Variants in METTL15 observed in about 807,000 individuals in gnomAD.
METTL15 encodes the protein methyltransferase 15, mitochondrial 12S rRNA N4-cytidine, also known as 12S rRNA N(4)-cytidine methyltransferase METTL15.
Under a neutral mutation model 38.3 loss-of-function variants are expected in METTL15, and 34 were observed. That is an observed-to-expected ratio of 0.89 (90% CI 0.68 to 1.18). The LOEUF is 1.18. Ranked by LOEUF, METTL15 falls within the 50% of genes most tolerant of loss-of-function variation. The pLI, the probability that METTL15 is intolerant of heterozygous loss-of-function variation, is 0.00. For missense variants in METTL15, 438 were observed against 498.4 expected (o/e 0.88, Z 1.15); for synonymous variants, 162 against 170.9 (o/e 0.95, Z 0.41).
At chr11:28,275,370 A>C (rs951763872) in intron 4 of METTL15, among the ~76,000 whole-genome samples, 14 of 151,920 alleles carry the variant, frequency 9.2e-5, no homozygotes, top group African/African-American at 3.1e-4. Context: ...GAAATGGATA[A>C]ATTCTGAGAA....
At chr11:28,405,891 T>G (rs2133407949) in intron 5 of METTL15, among the ~76,000 whole-genome samples, 1 of 152,214 alleles carries the variant, frequency 6.6e-6, no homozygotes, top group South Asian at 2.1e-4. Context: ...TTTTGTCAGG[T>G]TTGTTGAAGA....
chr11:28,276,333 A>G (rs778267040), intron 4 of METTL15, among the ~76,000 whole-genome samples: 2 of 152,128 alleles, frequency 1.3e-5, no homozygotes, highest in Non-Finnish European at 2.9e-5. Context: ...CAAGAAGGCA[A>G]TTCCACTTAC....
chr11:28,207,822 C>T (rs1224190159), intron 3 of METTL15, among the ~76,000 whole-genome samples: 1 of 152,120 alleles, frequency 6.6e-6, no homozygotes, highest in Admixed American at 6.5e-5. Flanking sequence ...TCAACTTCTT[C>T]CTGGTTTAGT....
At position 28,201,536 on chromosome 11, in the gene METTL15, T is replaced by G. The variant is rs898203725; in HGVS notation, c.271-9526T>G. Reference sequence around the variant, plus strand: ...TGGGCTTCTTTTGGTTGGTAGGCTATTAATTACTGCCTCAATTTCAGAGGC... The same window carrying G: ...TGGGCTTCTTTTGGTTGGTAGGCTAGTAATTACTGCCTCAATTTCAGAGGC... On this transcript the variant is annotated intron_variant, in intron 3 of 6. Transcript: ENST00000407364. Among the ~76,000 whole-genome samples the G allele has an allele frequency of 2.0e-5, 3 of 151,352 alleles. No individual in the cohort carries two copies. The South Asian group carries it at 6.3e-4, about 32-fold the overall frequency.
intron 5 of METTL15, among the ~76,000 whole-genome samples, chr11:28,377,688 T>A (rs1850332992): frequency 6.6e-6 from 1 of 152,242 alleles, no homozygotes; most frequent in African/African-American, 2.4e-5. Flanking sequence ...CCAGCTTTGT[T>A]CCTTTGCTGG....
intron 6 of METTL15, among the ~76,000 whole-genome samples, chr11:28,482,034 C>T (rs987953709): frequency 5.9e-5 from 9 of 152,184 alleles, no homozygotes; most frequent in Admixed American, 2.0e-4. Flanking sequence ...CTCTCTCAGC[C>T]CTAGGCACCC....
At chr11:28,218,978 T>G (rs1037477573) in intron 4 of METTL15, among the ~76,000 whole-genome samples, 2 of 152,178 alleles carry the variant, frequency 1.3e-5, no homozygotes, top group Non-Finnish European at 2.9e-5. Flanking sequence ...TTATTGAGGA[T>G]TTTTGCATCG....
intron 4 of METTL15, among the ~76,000 whole-genome samples, chr11:28,216,547 A>G (rs1490710236): frequency 6.6e-6 from 1 of 152,068 alleles, no homozygotes; most frequent in Admixed American, 6.6e-5. Flanking sequence ...TATATACACA[A>G]TCTAGTAGTG....
At chr11:28,216,060 A>T (rs908147396) in intron 4 of METTL15, among the ~76,000 whole-genome samples, 1 of 152,084 alleles carries the variant, frequency 6.6e-6, no homozygotes, top group African/African-American at 2.4e-5. Context: ...CAGAAAGAAT[A>T]CAAATGAAAA....
At chr11:28,338,400 C>T (rs1033869638), downstream of METTL15, among the ~76,000 whole-genome samples, 1 of 152,104 alleles carries the variant, frequency 6.6e-6, no homozygotes, top group Non-Finnish European at 1.5e-5. Flanking sequence ...ACCCTAATCA[C>T]CATCTTTAGC....
At chr11:28,207,373 GT>G (rs1447345578) in intron 3 of METTL15, among the ~76,000 whole-genome samples, 1 of 152,042 alleles carries the variant, frequency 6.6e-6, no homozygotes, top group Non-Finnish European at 1.5e-5. Flanking sequence ...TAATCATGTG[GT>G]TTTTGTCTTT....
chr11:28,309,801 T>G (rs1857212053), intron 6 of METTL15, among the ~76,000 whole-genome samples: 1 of 152,186 alleles, frequency 6.6e-6, no homozygotes, highest in Admixed American at 6.5e-5. Flanking sequence ...CTGGGTCATT[T>G]TTTTCTGTGC....
chr11:28,178,017 A>T (rs1401860216), intron 3 of METTL15, among the ~76,000 whole-genome samples: 2 of 151,996 alleles, frequency 1.3e-5, no homozygotes, highest in Non-Finnish European at 2.9e-5. Context: ...TGATCTCAGG[A>T]AAAGAAAGAA....
At chr11:28,283,848 T>G (rs1424388721) in intron 4 of METTL15, among the ~76,000 whole-genome samples, 22 of 152,164 alleles carry the variant, frequency 1.4e-4, no homozygotes, top group Non-Finnish European at 5.9e-5. Flanking sequence ...ATGTTACTTT[T>G]CTGTTACTTT....
chr11:28,235,429 T>A (rs1590199152), intron 4 of METTL15, among the ~76,000 whole-genome samples: 2 of 152,070 alleles, frequency 1.3e-5, no homozygotes, highest in African/African-American at 4.8e-5. Flanking sequence ...TGATTCTTCC[T>A]ACCCATGAGC....
At chr11:28,340,556 C>G (rs909783929) in intron 3 of METTL15, among the ~76,000 whole-genome samples, 3 of 152,222 alleles carry the variant, frequency 2.0e-5, no homozygotes, top group African/African-American at 4.8e-5. Context: ...ATGTGGCCAA[C>G]AAACATACGA....
chr11:28,174,481 G>C (rs1408995092), intron 3 of METTL15, among the ~76,000 whole-genome samples: 1 of 152,076 alleles, frequency 6.6e-6, no homozygotes, highest in African/African-American at 2.4e-5. Flanking sequence ...ACAGCATAAA[G>C]TAGGGACTCA....
At chr11:28,508,009 C>G (rs1241894694) in intron 6 of METTL15, among the ~76,000 whole-genome samples, 2 of 152,198 alleles carry the variant, frequency 1.3e-5, no homozygotes, top group Non-Finnish European at 1.5e-5. Flanking sequence ...AAATCCTCAT[C>G]ATGTCCCCTA....
chr11:28,250,578 T>A (rs2133921762), intron 4 of METTL15, among the ~76,000 whole-genome samples: 1 of 149,788 alleles, frequency 6.7e-6, no homozygotes, highest in East Asian at 2.0e-4. Context: ...AAAAAAAAAA[T>A]GATGTTTTTC....
Sources: allele counts gnomAD v4.1 joint callset (sites outside exome capture counted in the v4.1 genomes callset), GRCh38; gene constraint gnomAD v4.1.1; transcripts MANE v1.5; gene names NCBI Gene and HGNC (gene_info 2026-07-23, HGNC 2026-07-21).